CDH18: variants seen among roughly 807,000 people sequenced by gnomAD.
CDH18 encodes the protein cadherin-18.
Under a neutral mutation model 67.9 loss-of-function variants are expected in CDH18, and 31 were observed. The ratio of observed to expected loss-of-function variants is 0.46; its 90% CI spans 0.34 to 0.62. The LOEUF is 0.62. Ranked by LOEUF, CDH18 falls within the 20% of genes least tolerant of loss-of-function variation. The pLI, the probability that CDH18 is intolerant of heterozygous loss-of-function variation, is 0.01. For missense variants in CDH18, 890 were observed against 975.5 expected (o/e 0.91, Z 1.17); for synonymous variants, 362 against 347.2 (o/e 1.04, Z -0.48).
At chr5:19,838,325 G>C (rs1781898166) in intron 3 of CDH18, among the ~76,000 whole-genome samples, 1 of 152,042 alleles carries the variant, frequency 6.6e-6, no homozygotes, top group South Asian at 2.1e-4. Context: ...ATGTTTTCAT[G>C]ATAGAGTGCC....
At position 20,464,681 on chromosome 5, in the gene CDH18, T is replaced by G. The variant is rs80125320; in HGVS notation, c.-580+110781A>C. Among the ~76,000 whole-genome samples the G allele has an allele frequency of 5.9e-4, 90 of 152,238 alleles. No homozygotes were observed. In the East Asian group the frequency reaches 0.015, roughly 26 times the overall value. On this transcript the variant is annotated intron_variant, in intron 1 of 14. Coordinates refer to the CDH18 transcript ENST00000507958. Reference sequence around the variant, plus strand: ...CTTGTGAGACATCTATATTCCAAATTCTGATAGTATTAAAGTTCCATTCTG... The same window carrying G: ...CTTGTGAGACATCTATATTCCAAATGCTGATAGTATTAAAGTTCCATTCTG...
At chr5:19,736,783 T>C (rs1768392700) in intron 4 of CDH18, among the ~76,000 whole-genome samples, 1 of 152,162 alleles carries the variant, frequency 6.6e-6, no homozygotes, top group African/African-American at 2.4e-5. Context: ...TCCACAATAT[T>C]CCATGGTGTC....
In CDH18 at chr5:20,066,888, C is replaced by T. The variant is rs552666898; in HGVS notation, c.-517-74874G>A. Among the ~76,000 whole-genome samples, 7 of 151,802 alleles carry T rather than the reference C, an allele frequency of 4.6e-5. No individual in the cohort carries two copies. In the East Asian group the frequency reaches 1.2e-3, roughly 25 times the overall value. On this transcript the variant is annotated intron_variant, in intron 2 of 14. Coordinates refer to the CDH18 transcript ENST00000507958. ...ACAGTGGGTTATACCAACATTGGCC[C>T]TTAGAAAATGGGCTAAATTTATATT...
chr5:19,764,952 C>A (rs1252390739), intron 3 of CDH18, among the ~76,000 whole-genome samples: 3 of 152,132 alleles, frequency 2.0e-5, no homozygotes, highest in African/African-American at 7.2e-5. Flanking sequence ...TAGGCCATTT[C>A]ATCAAGTTTT....
intron 2 of CDH18, among the ~76,000 whole-genome samples, chr5:19,997,550 C>G (rs1736111492): frequency 6.6e-6 from 1 of 152,066 alleles, no homozygotes; most frequent in South Asian, 2.1e-4. Context: ...TCATTCATAC[C>G]TAGGTACTCA....
At chr5:19,704,213 G>T (rs941160665) in intron 5 of CDH18, among the ~76,000 whole-genome samples, 1 of 152,120 alleles carries the variant, frequency 6.6e-6, no homozygotes, top group Non-Finnish European at 1.5e-5. Flanking sequence ...TAAAGGTTTG[G>T]TAGATACAGG....
chr5:20,204,352 T>C (rs1422341814), intron 2 of CDH18, among the ~76,000 whole-genome samples: 2 of 151,908 alleles, frequency 1.3e-5, no homozygotes, highest in Middle Eastern at 3.4e-3. Context: ...TTTAAAAATG[T>C]ATTAAGGAAA....
rs1021462801 is a variant in CDH18 at position 20,389,453 on chromosome 5, C to T, written c.-579-133948G>A. The stretch of plus-strand genomic sequence containing the variant: ...TTTTGAGCCTATGTGTGTCTCTGCA[C>T]GTGAGATGGGTTTCCTGAATACAGC... On this transcript the variant is annotated intron_variant, in intron 1 of 14. Coordinates refer to the CDH18 transcript ENST00000507958. Among the ~76,000 whole-genome samples the T allele has an allele frequency of 6.6e-5, 10 of 151,936 alleles. No homozygotes were observed. In the South Asian group the frequency reaches 8.3e-4, roughly 13 times the overall value.
At chr5:19,808,000 T>C (rs1242455530) in intron 3 of CDH18, among the ~76,000 whole-genome samples, 3 of 152,182 alleles carry the variant, frequency 2.0e-5, no homozygotes, top group South Asian at 2.1e-4. Context: ...AGTAAATGAA[T>C]ATATCCTATA....
chr5:20,528,305 G>A (rs533290486), intron 1 of CDH18, among the ~76,000 whole-genome samples: 1 of 151,998 alleles, frequency 6.6e-6, no homozygotes, highest in Non-Finnish European at 1.5e-5. Flanking sequence ...AATAATAGTG[G>A]GAGATTTTAA....
chr5:19,813,091 G>A (rs972261838), intron 3 of CDH18, among the ~76,000 whole-genome samples: 4 of 152,078 alleles, frequency 2.6e-5, no homozygotes, highest in South Asian at 2.1e-4. Flanking sequence ...ATTGAACAAT[G>A]AGAACACATG....
At chr5:19,622,606 G>A (rs1247376799) in intron 5 of CDH18, among the ~76,000 whole-genome samples, 1 of 152,144 alleles carries the variant, frequency 6.6e-6, no homozygotes, top group Non-Finnish European at 1.5e-5. Context: ...TTTAGAAGCT[G>A]CTGCCTTGAT....
intron 2 of CDH18, among the ~76,000 whole-genome samples, chr5:20,174,249 G>A (rs1386553090): frequency 6.6e-6 from 1 of 152,124 alleles, no homozygotes; most frequent in East Asian, 1.9e-4. Flanking sequence ...AATATACAAT[G>A]CATTTGCTCA....
chr5:19,696,780 G>T (rs1265767682), intron 5 of CDH18, among the ~76,000 whole-genome samples: 1 of 152,072 alleles, frequency 6.6e-6, no homozygotes, highest in Non-Finnish European at 1.5e-5. Flanking sequence ...TTCTCCATAG[G>T]ACTGAATGCA....
intron 2 of CDH18, among the ~76,000 whole-genome samples, chr5:20,075,806 A>G (rs995264644): frequency 1.7e-4 from 26 of 152,176 alleles, no homozygotes; most frequent in Non-Finnish European, 1.5e-5. Flanking sequence ...TACAGTGGGA[A>G]AAACTACTTT....
intron 2 of CDH18, among the ~76,000 whole-genome samples, chr5:20,119,817 G>T (rs1335501030): frequency 6.6e-6 from 1 of 152,022 alleles, no homozygotes; most frequent in Non-Finnish European, 1.5e-5. Context: ...AACATCTAGT[G>T]AGATTTATTA....
At chr5:19,654,872 C>T (rs1368639266) in intron 5 of CDH18, among the ~76,000 whole-genome samples, 1 of 152,150 alleles carries the variant, frequency 6.6e-6, no homozygotes, top group African/African-American at 2.4e-5. Context: ...CCATTCTCCC[C>T]TCCAACCATC....
intron 2 of CDH18, among the ~76,000 whole-genome samples, chr5:20,200,160 T>G (rs902941303): frequency 6.6e-6 from 1 of 152,186 alleles, no homozygotes; most frequent in Non-Finnish European, 1.5e-5. Context: ...TTGAATTTAG[T>G]TAGGGAAACA....
In CDH18 at chr5:19,596,327, G is replaced by A. The variant is rs182427594; in HGVS notation, c.812-5083C>T. Among the ~76,000 whole-genome samples the A allele has an allele frequency of 2.0e-5, 3 of 152,104 alleles. No individual in the cohort carries two copies. In the East Asian group the frequency reaches 5.8e-4, roughly 29 times the overall value. ...TTCCTGAAAAGTCACATCTATAATG[G>A]GACACTGTTTTGCTCAACAAAATGT... On this transcript the variant is annotated intron_variant, in intron 6 of 12. Transcript: ENST00000382275.
Sources: allele counts gnomAD v4.1 joint callset (sites outside exome capture counted in the v4.1 genomes callset), GRCh38; gene constraint gnomAD v4.1.1; transcripts MANE v1.5; gene names NCBI Gene and HGNC (gene_info 2026-07-23, HGNC 2026-07-21).